Variants in CSMD1 observed in about 807,000 individuals in gnomAD.
The protein encoded by CSMD1 is CUB and Sushi multiple domains 1.
CSMD1 carries 213 observed loss-of-function variants against 417.5 expected under a neutral mutation model. The ratio of observed to expected loss-of-function variants is 0.51; its 90% CI spans 0.46 to 0.57. The LOEUF is 0.57. Among genes scored for constraint, CSMD1 ranks in the 20% least tolerant of loss-of-function variants. The pLI is 0.00. For synonymous variants in CSMD1, 2,862 were observed against 1,736.8 expected (o/e 1.65, Z -16.11); for missense variants, 6,923 against 4,529.7 (o/e 1.53, Z -15.17).
At chr8:4,221,618 T>C (rs929704160) in intron 3 of CSMD1, among the ~76,000 whole-genome samples, 2 of 152,032 alleles carry the variant, frequency 1.3e-5, no homozygotes, top group African/African-American at 4.8e-5. Flanking sequence ...CTGAGAATAG[T>C]GAATAAGACA....
Position 3,399,422 on chromosome 8 carries a change from G to A in CSMD1, c.2374C>T (p.Pro792Ser), listed in dbSNP as rs781167935. Residue 792 changes from proline to serine, a missense_variant, in exon 16 of 70, where the codon CCA (proline) becomes TCA (serine). Coordinates refer to ENST00000635120, the MANE Select transcript of CSMD1 (RefSeq NM_033225.6). Reference protein sequence around the residue: ...LHCEWIIEAKPGHSIKITFDR... With the variant: ...LHCEWIIEAKSGHSIKITFDR... ...AAAGTTATTTTGATAGAGTGGCCTG[G>A]TTTTGCTTCAATTATCCATTCACAA... is the stretch of plus-strand genomic sequence containing the variant. 1.2e-6 allele frequency: 2 copies of A among 1,606,414 alleles called. No homozygotes were observed. The highest frequency in any genetic ancestry group is 1.7e-5 in the Admixed American group (1 of 58,720).
intron 36 of CSMD1, among the ~76,000 whole-genome samples, chr8:3,184,888 G>C (rs1210845845): frequency 6.6e-6 from 1 of 152,182 alleles, no homozygotes; most frequent in Non-Finnish European, 1.5e-5. Context: ...ACCTTTGATA[G>C]AATGCTCTTT....
intron 2 of CSMD1, among the ~76,000 whole-genome samples, chr8:4,556,427 A>G (rs1259964517): frequency 1.3e-5 from 2 of 152,192 alleles, no homozygotes; most frequent in Admixed American, 1.3e-4. Flanking sequence ...AGGCCAGGGT[A>G]CAGAGGACAT....
intron 7 of CSMD1, among the ~76,000 whole-genome samples, chr8:3,659,465 AAC>A (rs1471291427): frequency 2.0e-5 from 3 of 152,304 alleles, no homozygotes; most frequent in African/African-American, 7.2e-5. Context: ...AAATCTCCGA[AAC>A]ACAGAAGCAG....
intron 18 of CSMD1, among the ~76,000 whole-genome samples, chr8:3,370,098 T>C (rs1417343313): frequency 6.6e-6 from 1 of 152,246 alleles, no homozygotes; most frequent in Non-Finnish European, 1.5e-5. Flanking sequence ...AAACGTTATC[T>C]ACTGAGAGTT....
intron 3 of CSMD1, among the ~76,000 whole-genome samples, chr8:4,336,151 C>A (rs1403016097): frequency 2.0e-5 from 3 of 152,002 alleles, no homozygotes; most frequent in African/African-American, 7.3e-5. Context: ...TAAGCTCTAC[C>A]CTGAATAATC....
At chr8:4,052,480 C>T (rs920794735) in intron 3 of CSMD1, among the ~76,000 whole-genome samples, 1 of 151,976 alleles carries the variant, frequency 6.6e-6, no homozygotes, top group Non-Finnish European at 1.5e-5. Context: ...TAATCTTTAC[C>T]CAGGGTCAGA....
At chr8:4,177,914 G>A (rs1275453743) in intron 3 of CSMD1, among the ~76,000 whole-genome samples, 1 of 151,744 alleles carries the variant, frequency 6.6e-6, no homozygotes, top group Non-Finnish European at 1.5e-5. Flanking sequence ...CCAATAACAG[G>A]ATCTGAAATT....
rs188492713 is a variant in CSMD1, at chr8:4,401,369, C to T, written c.415+18584G>A. Among the ~76,000 whole-genome samples, 39 of 152,276 alleles carry T rather than the reference C, an allele frequency of 2.6e-4. 1 individual carries two copies. In the East Asian group the frequency reaches 6.0e-3, roughly 23 times the overall value. ...ACACGTATTGTTATTACATTTTATT[C>T]ACCAAAGAGGTGTATCAGATGTTAG... On this transcript the variant is annotated intron_variant, in intron 3 of 69. Transcript: ENST00000635120.
intron 5 of CSMD1, among the ~76,000 whole-genome samples, chr8:3,928,392 G>C (rs970751631): frequency 6.6e-6 from 1 of 152,170 alleles, no homozygotes; most frequent in Non-Finnish European, 1.5e-5. Flanking sequence ...TGTGTAGGTA[G>C]CAGTGAAATA....
At chr8:4,659,330 C>T (rs770026670) in intron 1 of CSMD1, among the ~76,000 whole-genome samples, 16 of 152,098 alleles carry the variant, frequency 1.1e-4, no homozygotes, top group Non-Finnish European at 2.4e-4. Context: ...TACAAATAAA[C>T]TCCAAGCTGG....
chr8:4,217,373 G>A (rs899674248), intron 3 of CSMD1, among the ~76,000 whole-genome samples: 1 of 152,086 alleles, frequency 6.6e-6, no homozygotes, highest in Admixed American at 6.5e-5. Flanking sequence ...CTAATATTAG[G>A]GAACTTCATT....
chr8:4,380,150 C>A lies in CSMD1; in HGVS notation c.415+39803G>T, dbSNP rs184584994. On this transcript the variant is annotated intron_variant, in intron 3 of 69. Coordinates refer to ENST00000635120, the MANE Select transcript of CSMD1 (RefSeq NM_033225.6). ...ATTCTAAATAGTTTCTACATATCTG[C>A]CCTCAGAAGGTGGCATGTAACTCCC... is the stretch of plus-strand genomic sequence containing the variant. Among the ~76,000 whole-genome samples, 83 of 152,286 alleles carry A rather than the reference C, an allele frequency of 5.5e-4. 1 individual carries two copies. The highest frequency in any genetic ancestry group is 1.9e-3 in the African/African-American group (77 of 41,548).
At chr8:4,316,866 G>C (rs1432903295) in intron 3 of CSMD1, among the ~76,000 whole-genome samples, 1 of 152,104 alleles carries the variant, frequency 6.6e-6, no homozygotes, top group Admixed American at 6.5e-5. Context: ...GTGATGTTTT[G>C]TGGTTATACT....
rs541983846 is a variant in CSMD1 at position 3,574,999 on chromosome 8, C to T, written c.1290G>A (p.Gln430=). 2.4e-5 allele frequency: 38 copies of T among 1,613,362 alleles called. No homozygotes were observed. The South Asian group carries it at 3.1e-4, about 13-fold the overall frequency. Residue 430 remains glutamine (Q), a synonymous_variant, in exon 10 of 70, where the codon CAG becomes CAA. Transcript: ENST00000635120. ...GVITSPNYPV[Q]YEDNAHCVWV... is the part of the protein sequence containing the mutation. ...ACACACAGTGTGCATTATCTTCATACTGAACCGGATAATTAGGGGAGGTAA... is the reference window on the plus strand; with the variant it reads ...ACACACAGTGTGCATTATCTTCATATTGAACCGGATAATTAGGGGAGGTAA...
intron 6 of CSMD1, among the ~76,000 whole-genome samples, chr8:3,714,548 C>G (rs1229716927): frequency 3.4e-5 from 1 of 29,434 alleles, no homozygotes; most frequent in African/African-American, 1.7e-4. Context: ...ATGGCGAAAC[C>G]CCATCTCTAT....
At chr8:3,887,137 G>C (rs374404861) in intron 5 of CSMD1, among the ~76,000 whole-genome samples, 1 of 152,092 alleles carries the variant, frequency 6.6e-6, no homozygotes, top group African/African-American at 2.4e-5. Flanking sequence ...CTATTGTGTG[G>C]GTGAGGATGA....
At chr8:3,293,664 G>C (rs1002438567) in intron 25 of CSMD1, among the ~76,000 whole-genome samples, 1 of 152,144 alleles carries the variant, frequency 6.6e-6, no homozygotes, top group African/African-American at 2.4e-5. Context: ...TCGTGCCTTG[G>C]TTTTCAGCTA....
chr8:3,267,544 C>T (rs1005832422), intron 26 of CSMD1, among the ~76,000 whole-genome samples: 2 of 152,062 alleles, frequency 1.3e-5, no homozygotes, highest in Non-Finnish European at 2.9e-5. Flanking sequence ...AGATGCTGGG[C>T]CAGGGAGCTT....
Sources: gnomAD v4.1 joint callset for allele counts (sites outside exome capture counted in the v4.1 genomes callset) on GRCh38, gnomAD v4.1.1 for gene constraint, MANE v1.5 for transcripts, NCBI Gene and HGNC (gene_info 2026-07-23, HGNC 2026-07-21) for gene names.